The following GPR137B variants were observed in gnomAD, a reference collection of about 807,000 sequenced individuals.
The protein encoded by GPR137B is G protein-coupled receptor 137B.
In GPR137B, 42 loss-of-function variants were observed where a neutral mutation model predicts 42.5. That is an observed-to-expected ratio of 0.99 (90% CI 0.77 to 1.28). The LOEUF is 1.28. GPR137B is among the 50% of genes most tolerant of loss of function. GPR137B has a pLI of 0.00. For synonymous variants in GPR137B, 218 were observed against 209.7 expected, an observed-to-expected ratio of 1.04 and a Z score of -0.34; for missense variants, 487 against 493.9, an observed-to-expected ratio of 0.99 and a Z score of 0.13.
At chr1:236,203,510 G>A (rs1484132043) in intron 5 of GPR137B, among the ~76,000 whole-genome samples, 1 of 152,164 alleles carries the variant, frequency 6.6e-6, no homozygotes, top group Non-Finnish European at 1.5e-5. Context: ...TGGGTCTTTT[G>A]TGGTTCTGTA....
intron 5 of GPR137B, among the ~76,000 whole-genome samples, chr1:236,196,084 A>G (rs1049980715): frequency 6.6e-6 from 1 of 151,784 alleles, no homozygotes; most frequent in African/African-American, 2.4e-5. Flanking sequence ...ATATGATCCT[A>G]TTTTTCCATT....
At chr1:236,149,229 C>T (rs1178952495) in intron 1 of GPR137B, among the ~76,000 whole-genome samples, 3 of 144,196 alleles carry the variant, frequency 2.1e-5, no homozygotes, top group African/African-American at 5.1e-5. Flanking sequence ...TTGGCGCACC[C>T]GTAGGGAGCA....
chr1:236,182,914 G>A (rs888864165), intron 4 of GPR137B, among the ~76,000 whole-genome samples: 8 of 152,094 alleles, frequency 5.3e-5, no homozygotes, highest in South Asian at 2.1e-4. Context: ...TTACTTGTGC[G>A]GAATCAAAAA....
At chr1:236,152,987 C>T (rs112884227) in intron 1 of GPR137B, among the ~76,000 whole-genome samples, 1,586 of 150,036 alleles carry the variant, frequency 0.011, 31 homozygotes, top group African/African-American at 0.036. Context: ...ACCTGGGAGG[C>T]GGAGGATGCA....
chr1:236,186,274 TATA>T (rs749494257), intron 5 of GPR137B, among the ~76,000 whole-genome samples: 1 of 34,794 alleles, frequency 2.9e-5, no homozygotes. Flanking sequence ...ATATATTATA[TATA>T]ATAATATAAA....
intron 1 of GPR137B, among the ~76,000 whole-genome samples, chr1:236,147,593 AG>A (rs1661715307): frequency 6.6e-6 from 1 of 152,038 alleles, no homozygotes; most frequent in South Asian, 2.1e-4. Flanking sequence ...TTGCGTGCCT[AG>A]GGGCCCTCCC....
intron 1 of GPR137B, among the ~76,000 whole-genome samples, chr1:236,146,480 G>A (rs1661685470): frequency 6.6e-6 from 1 of 152,144 alleles, no homozygotes; most frequent in Non-Finnish European, 1.5e-5. Context: ...TTTTTCTGTT[G>A]TTGTCAGTCC....
rs1216108193 is a variant in GPR137B at position 236,183,845 on chromosome 1, A to T, written c.905A>T (p.Glu302Val). Residue 302 changes from glutamate (E) to valine (V), a missense_variant, in exon 5 of 7, where the codon GAA (glutamate) becomes GTA (valine). Coordinates refer to ENST00000366592, the MANE Select transcript of GPR137B (RefSeq NM_003272.4). ...VLFGVVLFVW[E>V]LLPTTLVVYF... The stretch of plus-strand genomic sequence containing the variant: ...TTTGGAGTGGTGTTATTTGTTTGGG[A>T]ACTCTTACCTACCACCTTAGTCGTT... 6.2e-7 allele frequency: 1 copy of T among 1,604,120 alleles called. No homozygotes were observed. The highest frequency in any genetic ancestry group is 1.3e-5 in the African/African-American group (1 of 74,668).
chr1:236,193,353 T>C (rs539046205), intron 5 of GPR137B, among the ~76,000 whole-genome samples: 4 of 152,346 alleles, frequency 2.6e-5, no homozygotes, highest in Non-Finnish European at 5.9e-5. Flanking sequence ...TAAGTTTCTG[T>C]GTGAACATAT....
chr1:236,148,377 A>C (rs1661740931), intron 1 of GPR137B, among the ~76,000 whole-genome samples: 1 of 152,180 alleles, frequency 6.6e-6, no homozygotes, highest in South Asian at 2.1e-4. Flanking sequence ...CTTCCTCGGA[A>C]TTCCCAGCCT....
intron 5 of GPR137B, 104 bp downstream of exon 5, chr1:236,184,010 T>C: frequency 1.4e-6 from 1 of 721,098 alleles, no homozygotes; most frequent in South Asian, 2.1e-5. Context: ...GCCTCTTCCT[T>C]TTGTGGTGGT....
chr1:236,207,981 CCTAAA>C (rs956677955), intron 6 of GPR137B, 64 bp from the exon 7 acceptor site: 20 of 1,139,582 alleles, frequency 1.8e-5, no homozygotes, highest in African/African-American at 9.4e-5. Context: ...GCTCTGTCTA[CCTAAA>C]CTAGACTATG....
chr1:236,176,402 C>T (rs968534461), intron 2 of GPR137B, among the ~76,000 whole-genome samples: 14 of 152,056 alleles, frequency 9.2e-5, no homozygotes, highest in African/African-American at 3.1e-4. Flanking sequence ...ATGTCCGACT[C>T]GCTCATCTCT....
At chr1:236,193,365 T>G (rs1221237890) in intron 5 of GPR137B, among the ~76,000 whole-genome samples, 2 of 152,204 alleles carry the variant, frequency 1.3e-5, no homozygotes, top group Non-Finnish European at 2.9e-5. Context: ...TGAACATATG[T>G]TTTCATTTCT....
rs114384721 is a variant in GPR137B at position 236,166,428 on chromosome 1, T to G, written c.415-2278T>G. Among the ~76,000 whole-genome samples, 1,320 of 143,688 alleles carry G rather than the reference T, an allele frequency of 9.2e-3. 19 individuals are homozygous for G. Among genetic ancestry groups the G allele is most frequent in the African/African-American group, 0.033 (1,217 of 36,574 alleles). 94.3% of individuals were successfully genotyped at this position (143,688 alleles called of 152,430 possible). On this transcript the variant is annotated intron_variant, in intron 1 of 6. Transcript: ENST00000366592. Reference sequence around the variant, plus strand: ...GGTCACTGTACTGAGCCATCTATTGTGCCGTTACCAGAGAAAAATATTTTA... The same window carrying G: ...GGTCACTGTACTGAGCCATCTATTGGGCCGTTACCAGAGAAAAATATTTTA...
intron 5 of GPR137B, among the ~76,000 whole-genome samples, chr1:236,190,787 G>A (rs572655223): frequency 6.6e-6 from 1 of 152,222 alleles, no homozygotes; most frequent in African/African-American, 2.4e-5. Flanking sequence ...TTTCAACCTA[G>A]GTGAATCTGA....
chr1:236,150,615 G>C lies in GPR137B; in HGVS notation c.414+7579G>C, dbSNP rs932381444. Among the ~76,000 whole-genome samples, 3 of 152,204 alleles carry C rather than the reference G, an allele frequency of 2.0e-5. No homozygotes were observed. Among genetic ancestry groups the C allele is most frequent in the Non-Finnish European group, 2.9e-5 (2 of 68,032 alleles). ...TTCAGCATCCAACCCCAGTGACCAT[G>C]CAGGAAGCCTGGACTTCCCCACAGC... On this transcript the variant is annotated intron_variant, in intron 1 of 6. Coordinates refer to ENST00000366592, the MANE Select transcript of GPR137B (RefSeq NM_003272.4). This position sits in a 1 kb window ranked among gnomAD's most constrained non-coding sequence, Gnocchi z 6.2.
chr1:236,207,882 C>G (rs1663707587), intron 6 of GPR137B, among the ~76,000 whole-genome samples, 168 bp from the exon 7 acceptor site: 1 of 151,952 alleles, frequency 6.6e-6, no homozygotes, highest in South Asian at 2.1e-4. Flanking sequence ...CATTTCAGCC[C>G]TGTGTGTAGC....
rs764844191 is a variant in GPR137B, at chr1:236,208,086, T to TAACA, written c.1129_1132dup (p.Ser378LysfsTer18). 4 of 1,613,458 alleles carry TAACA rather than the reference T, an allele frequency of 2.5e-6. No homozygotes were observed. Among genetic ancestry groups the TAACA allele is most frequent in the South Asian group, 2.2e-5 (2 of 91,072 alleles). ...ATTACTATGATTGGGGACAACAAAC[T>TAACA]AACAGCTTCCTGGCACAAGCAGGAA... On this transcript the variant is annotated frameshift_variant, in exon 7 of 7. Coordinates refer to ENST00000366592, the MANE Select transcript of GPR137B (RefSeq NM_003272.4). LOFTEE classifies it high-confidence loss of function.
Sources: allele counts gnomAD v4.1 joint callset (sites outside exome capture counted in the v4.1 genomes callset), GRCh38; gene constraint gnomAD v4.1.1; non-coding constraint Gnocchi (gnomAD v3.1); transcripts MANE v1.5; gene names NCBI Gene and HGNC (gene_info 2026-07-23, HGNC 2026-07-21).